Variants in SLC8A3 observed in about 807,000 individuals in gnomAD.
SLC8A3 encodes solute carrier family 8 member A3, also known as sodium/calcium exchanger 3.
In SLC8A3, 37 loss-of-function variants were observed where a neutral mutation model predicts 65.4. The observed-to-expected ratio is 0.57, with a 90% CI of 0.44 to 0.74. The LOEUF (loss-of-function observed/expected upper bound fraction) is 0.74, where lower values mean the gene tolerates loss of function less well. SLC8A3 is among the 30% of genes least tolerant of loss of function. SLC8A3 has a pLI of 0.00. For synonymous variants in SLC8A3, 461 were observed against 444.5 expected, an observed-to-expected ratio of 1.04 and a Z score of -0.47; for missense variants, 1,112 against 1,172.1, an observed-to-expected ratio of 0.95 and a Z score of 0.75.
At chr14:70,161,016 T>G (rs1571373) in intron 2 of SLC8A3, among the ~76,000 whole-genome samples, 113,985 of 150,074 alleles carry the variant, frequency 0.76, 43,810 homozygotes, top group East Asian at 0.98. Flanking sequence ...AGGCTGAGGC[T>G]GGTGGATCAC....
intron 2 of SLC8A3, among the ~76,000 whole-genome samples, chr14:70,065,647 GAAT>G (rs1889339572): frequency 6.6e-6 from 1 of 152,180 alleles, no homozygotes. Context: ...TAATTTATAT[GAAT>G]TTCTGGGCAG....
chr14:70,080,192 G>A, intron 2 of SLC8A3: 1 of 985,248 alleles, frequency 1.0e-6, no homozygotes, highest in South Asian at 4.7e-5. Flanking sequence ...CTCCATGCTG[G>A]AAGAGTTGAT....
chr14:70,167,544 A>T lies in SLC8A3; in HGVS notation c.879T>A (p.Asn293Lys). The T allele has an allele frequency of 6.2e-7, 1 of 1,613,996 alleles. No individual in the cohort carries two copies. The change falls in exon 2 of 7, where the codon AAT becomes AAA. Residue 293 changes from asparagine to lysine, a missense_variant. Coordinates refer to ENST00000356921, the MANE Select transcript of SLC8A3 (RefSeq NM_182932.3). ...CCAGGTTCCCATCTAGAAAATGGGA[A>T]TTCATCATTTTCCCATCCATCTCAA... The part of the protein sequence containing the change: ...KGIEMDGKMM[N>K]SHFLDGNLVP...
chr14:70,154,531 C>T (rs1594771858), intron 2 of SLC8A3, among the ~76,000 whole-genome samples: 1 of 152,160 alleles, frequency 6.6e-6, no homozygotes, highest in African/African-American at 2.4e-5. Flanking sequence ...AGAATGGCTG[C>T]CTCTGCTAAC....
chr14:70,133,399 G>C (rs536828549), intron 2 of SLC8A3, among the ~76,000 whole-genome samples: 1 of 152,128 alleles, frequency 6.6e-6, no homozygotes. Flanking sequence ...CTCCTTCACT[G>C]TCACCCAGAA....
intron 2 of SLC8A3, among the ~76,000 whole-genome samples, chr14:70,065,582 G>C (rs1189286266): frequency 6.6e-6 from 1 of 152,166 alleles, no homozygotes; most frequent in Non-Finnish European, 1.5e-5. Context: ...AGTTCTTCAA[G>C]TCTCACGTGT....
At chr14:70,055,868 T>A in intron 3 of SLC8A3, 2 of 1,519,710 alleles carry the variant, frequency 1.3e-6, no homozygotes, top group Non-Finnish European at 1.8e-6. Context: ...AGAGCATTAA[T>A]GTCCCATCTT....
At chr14:70,134,713 C>G (rs1221710776) in intron 2 of SLC8A3, among the ~76,000 whole-genome samples, 1 of 152,142 alleles carries the variant, frequency 6.6e-6, no homozygotes, top group Non-Finnish European at 1.5e-5. Context: ...CCTCATCACC[C>G]TAAGGCCATC....
intron 2 of SLC8A3, among the ~76,000 whole-genome samples, chr14:70,061,758 T>G (rs1346762079): frequency 6.6e-6 from 1 of 152,210 alleles, no homozygotes; most frequent in Non-Finnish European, 1.5e-5. Context: ...CATCAAATTC[T>G]AAATCACCTT....
intron 3 of SLC8A3, among the ~76,000 whole-genome samples, chr14:70,059,786 G>A (rs1174834095): frequency 6.6e-6 from 1 of 152,082 alleles, no homozygotes; most frequent in Non-Finnish European, 1.5e-5. Context: ...GTCTGTCAGG[G>A]ATCAGCACCA....
intron 2 of SLC8A3, among the ~76,000 whole-genome samples, chr14:70,068,383 C>CTTAT (rs912030786): frequency 6.6e-6 from 1 of 152,078 alleles, no homozygotes; most frequent in Non-Finnish European, 1.5e-5. Flanking sequence ...TTTCATTCTT[C>CTTAT]TTATTTATTT....
chr14:70,120,250 G>A (rs55695995), intron 2 of SLC8A3, among the ~76,000 whole-genome samples: 36,510 of 152,138 alleles, frequency 0.24, 5,055 homozygotes, highest in Admixed American at 0.33. Flanking sequence ...TGCAGCTAGC[G>A]TGAAATACCA....
At chr14:70,089,034 C>T (rs1021738278) in intron 2 of SLC8A3, among the ~76,000 whole-genome samples, 7 of 152,216 alleles carry the variant, frequency 4.6e-5, no homozygotes, top group African/African-American at 1.4e-4. Flanking sequence ...ACTCACCCAA[C>T]ACAGCTGAAG....
chr14:70,182,342 G>T (rs1230390163), intron 1 of SLC8A3, among the ~76,000 whole-genome samples: 4 of 152,102 alleles, frequency 2.6e-5, no homozygotes, highest in Non-Finnish European at 5.9e-5. Flanking sequence ...CAGACTCTGG[G>T]AACTATCCAC....
At chr14:70,159,146 T>C (rs976439341) in intron 2 of SLC8A3, among the ~76,000 whole-genome samples, 2 of 152,180 alleles carry the variant, frequency 1.3e-5, no homozygotes, top group Non-Finnish European at 2.9e-5. Flanking sequence ...CAGTGGTTCA[T>C]ACCTGTAATC....
intron 2 of SLC8A3, among the ~76,000 whole-genome samples, chr14:70,123,590 C>T (rs543036971): frequency 5.9e-5 from 9 of 151,986 alleles, no homozygotes; most frequent in Admixed American, 1.3e-4. Context: ...GCTAGGATTA[C>T]AGGCACCTGT....
chr14:70,109,397 T>C (rs1430329460), intron 2 of SLC8A3, among the ~76,000 whole-genome samples: 1 of 150,514 alleles, frequency 6.6e-6, no homozygotes, highest in Non-Finnish European at 1.5e-5. Context: ...GTGTTATTTT[T>C]CTTTGGCTGC....
chr14:70,187,336 AG>A (rs1883352501), intron 1 of SLC8A3: 1 of 159,780 alleles, frequency 6.3e-6, no homozygotes, highest in Admixed American at 6.6e-5. Context: ...GCGGGGGGAG[AG>A]AGAGAGAGAG....
chr14:70,149,927 G>C (rs978561340), intron 2 of SLC8A3, among the ~76,000 whole-genome samples: 1 of 152,152 alleles, frequency 6.6e-6, no homozygotes, highest in African/African-American at 2.4e-5. Context: ...AGCCTGTCAT[G>C]TTCCCTGACA....
Sources: gnomAD v4.1 joint callset for allele counts (sites outside exome capture counted in the v4.1 genomes callset) on GRCh38, gnomAD v4.1.1 for gene constraint, MANE v1.5 for transcripts, NCBI Gene and HGNC (gene_info 2026-07-23, HGNC 2026-07-21) for gene names.